NLRP11: variants seen among roughly 807,000 people sequenced by gnomAD.
NLRP11 encodes the protein NLR family pyrin domain containing 11, also known as NACHT, LRR and PYD domains-containing protein 11.
NLRP11 carries 53 observed loss-of-function variants against 79.3 expected under a neutral mutation model. That is an observed-to-expected ratio of 0.67 (90% CI 0.54 to 0.84). The LOEUF (loss-of-function observed/expected upper bound fraction) is 0.84, where lower values mean the gene tolerates loss of function less well. NLRP11 is among the 40% of genes least tolerant of loss of function. NLRP11 has a pLI of 0.00. For missense variants in NLRP11, 1,264 were observed against 1,255.0 expected (o/e 1.01, Z -0.11); for synonymous variants, 518 against 462.6 (o/e 1.12, Z -1.54).
intron 1 of NLRP11, among the ~76,000 whole-genome samples, chr19:55,819,462 G>A (rs1418962792): frequency 6.6e-6 from 1 of 152,110 alleles, no homozygotes; most frequent in Non-Finnish European, 1.5e-5. Context: ...ACTCCGTCAC[G>A]AGAAGTTGAG....
chr19:55,801,448 A>G (rs1484955802), intron 5 of NLRP11, 124 bp downstream of exon 5: 6 of 708,270 alleles, frequency 8.5e-6, no homozygotes, highest in Non-Finnish European at 1.4e-5. Flanking sequence ...CGTGCTAAAA[A>G]AATTGAGGAA....
chr19:55,819,743 T>C (rs1057082220), intron 1 of NLRP11, among the ~76,000 whole-genome samples: 1 of 152,084 alleles, frequency 6.6e-6, no homozygotes, highest in Non-Finnish European at 1.5e-5. Flanking sequence ...TAAACCTAAC[T>C]AGATACTCAA....
chr19:55,795,322 T>G (rs1978725250), intron 6 of NLRP11, among the ~76,000 whole-genome samples: 1 of 152,122 alleles, frequency 6.6e-6, no homozygotes, highest in South Asian at 2.1e-4. Context: ...CAAGGCAATC[T>G]AGCACCAAAC....
intron 7 of NLRP11, among the ~76,000 whole-genome samples, chr19:55,791,856 T>C (rs962524788): frequency 6.6e-6 from 1 of 152,172 alleles, no homozygotes; most frequent in Non-Finnish European, 1.5e-5. Context: ...TACCAGTGGC[T>C]TGGATATGGC....
At chr19:55,836,050 G>A (rs1357821840), upstream of NLRP11, among the ~76,000 whole-genome samples, 1 of 152,232 alleles carries the variant, frequency 6.6e-6, no homozygotes, top group Non-Finnish European at 1.5e-5. Context: ...CTTGAACCCG[G>A]GAGGTGGAGG....
In NLRP11 at chr19:55,820,027, A is replaced by T. The variant is rs78562089; in HGVS notation, c.-62-1791T>A. Among the ~76,000 whole-genome samples the T allele has an allele frequency of 7.3e-4, 111 of 152,298 alleles. 1 individual carries two copies. In the East Asian group the frequency reaches 0.02, roughly 27 times the overall value. ...GGGGTAAAAAAATGGGCATACTGAC[A>T]TGCACCTATGGTACCTGAGTTTTGC... On this transcript the variant is annotated intron_variant, in intron 1 of 9. Transcript: ENST00000589093.
exon 10 of NLRP11, chr19:55,785,492 GTCACACACACACACACACACAC>G: frequency 1.4e-5 from 9 of 652,306 alleles, no homozygotes; most frequent in South Asian, 6.2e-5. Context: ...CTGGATCAAG[GTCACACACACACACACACACAC>G]ACACACACAC....
At chr19:55,828,527 AGCT>A (rs1412107738) in intron 1 of NLRP11, among the ~76,000 whole-genome samples, 1 of 152,190 alleles carries the variant, frequency 6.6e-6, no homozygotes, top group African/African-American at 2.4e-5. Flanking sequence ...ATCCCAGGAG[AGCT>A]GCTATGTGTG....
intron 5 of NLRP11, among the ~76,000 whole-genome samples, chr19:55,799,526 G>C (rs1227233222): frequency 6.6e-6 from 1 of 152,116 alleles, no homozygotes; most frequent in South Asian, 2.1e-4. Flanking sequence ...AAGGCCAAGA[G>C]GAAAATGTGT....
intron 1 of NLRP11, among the ~76,000 whole-genome samples, chr19:55,822,939 T>C (rs1409162525): frequency 1.3e-5 from 2 of 152,162 alleles, no homozygotes; most frequent in Non-Finnish European, 2.9e-5. Context: ...CCTGCCTCTA[T>C]AGGCTCCACC....
At chr19:55,830,332 T>A (rs964978767) in intron 1 of NLRP11, among the ~76,000 whole-genome samples, 1 of 152,098 alleles carries the variant, frequency 6.6e-6, no homozygotes, top group African/African-American at 2.4e-5. Context: ...AGTTCAGGAG[T>A]CAACTGTATT....
At chr19:55,797,053 A>T (rs1978982858) in intron 5 of NLRP11, among the ~76,000 whole-genome samples, 1 of 152,082 alleles carries the variant, frequency 6.6e-6, no homozygotes, top group Non-Finnish European at 1.5e-5. Flanking sequence ...CCTCAAGTCC[A>T]CAAGCATATT....
rs748743550 is a variant in NLRP11, at chr19:55,801,878, T to C, written c.2004-139A>G. On this transcript the variant is annotated intron_variant, in intron 4 of 9. Coordinates refer to ENST00000589093, the Ensembl canonical transcript of NLRP11. ...CTCACACATGGCTCTCGATCTTAAA[T>C]TTCTAGTCAGGTCAGAAGACTATTG... 2.4e-4 allele frequency: 170 copies of C among 707,388 alleles called. 2 individuals are homozygous for C. The highest frequency in any genetic ancestry group is 3.6e-4 in the Non-Finnish European group (149 of 418,650). The allele number at this position is 707,388 out of a possible 1,614,324, so 43.8% of individuals were successfully genotyped here. A position where few individuals can be genotyped will look rare whatever the true frequency, so the allele number is the denominator to read the frequency against.
intron 6 of NLRP11, among the ~76,000 whole-genome samples, chr19:55,795,478 G>A (rs938037348): frequency 1.4e-4 from 22 of 151,786 alleles, no homozygotes; most frequent in African/African-American, 4.4e-4. Flanking sequence ...AGAATGTTGT[G>A]ACCACCATTT....
At position 55,818,008 on chromosome 19, in the gene NLRP11, A is replaced by T; in HGVS notation, c.167T>A (p.Leu56Ter). Residue 56 changes from leucine (L) to a stop codon, truncating the protein, a stop_gained, in exon 2 of 10, where the codon TTG (leucine) becomes TAG (stop). Coordinates refer to ENST00000589093, the Ensembl canonical transcript of NLRP11. LOFTEE classifies it high-confidence loss of function. The stretch of plus-strand genomic sequence containing the variant: ...ATACTGTCCCTCATAAGAGATTGGC[A>T]ACACGTTAGCCAGTTCTTCTTTTGT... 1 of 1,613,628 alleles carries T rather than the reference A, an allele frequency of 6.2e-7. No homozygotes were observed. Among genetic ancestry groups the T allele is most frequent in the East Asian group, 2.2e-5 (1 of 44,886 alleles).
At chr19:55,792,222 T>C in intron 7 of NLRP11, 79 bp downstream of exon 7, 1 of 1,273,206 alleles carries the variant, frequency 7.9e-7, no homozygotes, top group Non-Finnish European at 1.1e-6. Context: ...ACTGGAATCT[T>C]ATCCCTGCCA....
chr19:55,811,483 G>A (rs572053979), intron 2 of NLRP11, among the ~76,000 whole-genome samples: 13 of 152,248 alleles, frequency 8.5e-5, no homozygotes, highest in African/African-American at 2.9e-4. Flanking sequence ...CTGCAGCAGG[G>A]CTGGTGTGGT....
chr19:55,818,209 G>A, exon 2 of NLRP11: 1 of 1,568,094 alleles, frequency 6.4e-7, no homozygotes. Context: ...TTCAGAGAAG[G>A]GATTTTGAGG....
rs879469197 is a variant in NLRP11, at chr19:55,807,799, G to T, written c.2003+54C>A. ...TTGTCTTCTCCCAGAGAAAGAAAAA[G>T]ACCACCGTTATTCCTAGGGGAACCT... is the stretch of plus-strand genomic sequence containing the variant. On this transcript the variant is annotated intron_variant, in intron 4 of 9. Coordinates refer to ENST00000589093, the Ensembl canonical transcript of NLRP11. 375 of 1,253,738 alleles carry T rather than the reference G, an allele frequency of 3.0e-4. 6 individuals carry two copies. In the Admixed American group the frequency reaches 7.8e-3, roughly 26 times the overall value. The allele number at this position is 1,253,738 out of a possible 1,614,324, so 77.7% of individuals were successfully genotyped here.
Sources: gnomAD v4.1 joint callset for allele counts (sites outside exome capture counted in the v4.1 genomes callset) on GRCh38, gnomAD v4.1.1 for gene constraint, MANE v1.5 for transcripts, NCBI Gene and HGNC (gene_info 2026-07-23, HGNC 2026-07-21) for gene names.